The following SGMS1 variants were observed in gnomAD, a reference collection of about 807,000 sequenced individuals.
The protein encoded by SGMS1 is sphingomyelin synthase 1.
In SGMS1, 13 loss-of-function variants were observed where a neutral mutation model predicts 46.2. The ratio of observed to expected loss-of-function variants is 0.28; its 90% CI spans 0.18 to 0.45. The LOEUF (loss-of-function observed/expected upper bound fraction) is 0.45. Ranked by LOEUF, SGMS1 falls within the 20% of genes least tolerant of loss-of-function variation. The pLI, the probability that SGMS1 is intolerant of heterozygous loss-of-function variation, is 1.00. For synonymous variants in SGMS1, 203 were observed against 187.8 expected (o/e 1.08, Z -0.66); for missense variants, 324 against 519.9 (o/e 0.62, Z 3.66).
At chr10:50,537,545 G>C (rs1431104905) in intron 2 of SGMS1, among the ~76,000 whole-genome samples, 1 of 151,760 alleles carries the variant, frequency 6.6e-6, no homozygotes, top group Admixed American at 6.6e-5. Context: ...CCATGTTGGT[G>C]TGCTGCACCC....
intron 6 of SGMS1, among the ~76,000 whole-genome samples, chr10:50,389,081 T>C (rs533955397): frequency 8.2e-4 from 125 of 152,320 alleles, no homozygotes; most frequent in African/African-American, 2.9e-3. Context: ...ATATGTAGCC[T>C]ATAACATCAT....
At chr10:50,589,541 C>CCTCCA (rs1838519934) in intron 2 of SGMS1, among the ~76,000 whole-genome samples, 2 of 152,202 alleles carry the variant, frequency 1.3e-5, no homozygotes, top group Non-Finnish European at 2.9e-5. Flanking sequence ...TCCATCACGG[C>CCTCCA]TCACTACAGC....
intron 1 of SGMS1, among the ~76,000 whole-genome samples, chr10:50,618,164 A>T (rs1359587518): frequency 6.6e-6 from 1 of 152,240 alleles, no homozygotes; most frequent in Non-Finnish European, 1.5e-5. Flanking sequence ...CACAGAATGG[A>T]AAGGAAAAAA....
At chr10:50,517,119 ACAAAATCT>A (rs1432561081) in intron 3 of SGMS1, among the ~76,000 whole-genome samples, 2 of 152,196 alleles carry the variant, frequency 1.3e-5, no homozygotes, top group Non-Finnish European at 2.9e-5. Context: ...CCTAGCACAA[ACAAAATCT>A]CAAGAAGTAA....
chr10:50,324,222 C>G (rs1457853704), intron 8 of SGMS1, among the ~76,000 whole-genome samples: 1 of 152,192 alleles, frequency 6.6e-6, no homozygotes, highest in East Asian at 1.9e-4. Flanking sequence ...AACTGAGGCT[C>G]TGAAAAGTTA....
At chr10:50,574,129 T>C (rs531198720) in intron 2 of SGMS1, among the ~76,000 whole-genome samples, 87 of 151,874 alleles carry the variant, frequency 5.7e-4, no homozygotes, top group African/African-American at 2.1e-3. Context: ...ATTCCTTGGA[T>C]ATAACACCAA....
At chr10:50,348,505 A>G (rs1023395185) in intron 6 of SGMS1, among the ~76,000 whole-genome samples, 9 of 152,162 alleles carry the variant, frequency 5.9e-5, no homozygotes, top group African/African-American at 2.2e-4. Context: ...AATTACTAGC[A>G]TTCCTATACA....
chr10:50,602,366 T>C (rs541481059), intron 1 of SGMS1, among the ~76,000 whole-genome samples: 32 of 152,364 alleles, frequency 2.1e-4, no homozygotes, highest in Non-Finnish European at 3.5e-4. Flanking sequence ...CCTTATGTCA[T>C]AGCATTTAAA....
intron 2 of SGMS1, among the ~76,000 whole-genome samples, chr10:50,526,608 C>T (rs1289158498): frequency 6.6e-6 from 1 of 152,088 alleles, no homozygotes; most frequent in Non-Finnish European, 1.5e-5. Context: ...TCTTATTTAC[C>T]CTGTGCCTAT....
intron 6 of SGMS1, among the ~76,000 whole-genome samples, chr10:50,393,146 A>C (rs997258884): frequency 6.6e-6 from 1 of 152,186 alleles, no homozygotes. Context: ...ACCAACATTT[A>C]CTGGGGCCAC....
Position 50,308,057 on chromosome 10 carries a change from G to A in SGMS1, c.987C>T (p.Tyr329=), listed in dbSNP as rs376845561. The change falls in exon 10 of 11, where the codon TAC becomes TAT. Residue 329 remains tyrosine, a synonymous_variant. Coordinates refer to ENST00000361781, the MANE Select transcript of SGMS1 (RefSeq NM_147156.4). ...AATATGCCACCACCACGTCCACAGT[G>A]TAGTGGTCATGCGCTAAGAGAATAC... is the stretch of plus-strand genomic sequence containing the variant. The part of the protein sequence containing the change: ...IFCILLAHDH[Y]TVDVVVAYYI... The A allele has an allele frequency of 1.5e-5, 24 of 1,613,908 alleles. No individual in the cohort carries two copies. The Middle Eastern group carries it at 6.6e-4, about 44-fold the overall frequency.
intron 1 of SGMS1, among the ~76,000 whole-genome samples, chr10:50,603,527 T>C (rs1157274753): frequency 6.6e-6 from 1 of 152,124 alleles, no homozygotes; most frequent in Non-Finnish European, 1.5e-5. Flanking sequence ...ATTCAGTAAA[T>C]TTAAAAAACA....
At chr10:50,605,551 T>C (rs1027268665) in intron 1 of SGMS1, among the ~76,000 whole-genome samples, 2 of 152,200 alleles carry the variant, frequency 1.3e-5, no homozygotes, top group African/African-American at 4.8e-5. Context: ...TCAAGGTTGC[T>C]GCCAAGTTTG....
In SGMS1 at chr10:50,424,273, A is replaced by G. The variant is rs560529913; in HGVS notation, c.-232+9203T>C. 7.2e-5 allele frequency among the ~76,000 whole-genome samples: 11 copies of G among 152,352 alleles called. 1 individual carries two copies. In the South Asian group the frequency reaches 2.3e-3, roughly 32 times the overall value. On this transcript the variant is annotated intron_variant, in intron 6 of 10. Coordinates refer to ENST00000361781, the MANE Select transcript of SGMS1 (RefSeq NM_147156.4). ...GCCAGATTTAACTTTCTATTTCTTA[A>G]AAGAAGGTACTTCTCTATGGCTGAA...
chr10:50,623,760 G>T lies in SGMS1; in HGVS notation c.-737C>A. 1.0e-6 allele frequency: 1 copy of T among 985,468 alleles called. No homozygotes were observed. Among genetic ancestry groups the T allele is most frequent in the Non-Finnish European group, 1.2e-6 (1 of 829,978 alleles). The allele number at this position is 985,468 out of a possible 1,614,324, so 61.0% of individuals were successfully genotyped here. The stretch of plus-strand genomic sequence containing the variant: ...ATTCCGCTCGCGGAGCCCCCGCCGC[G>T]GAATGAAATCCGGGGCAGGGCAGCG... On this transcript the variant is annotated 5_prime_UTR_variant, in exon 1 of 11. Transcript: ENST00000361781.
At chr10:50,415,160 T>C (rs1480290617) in intron 6 of SGMS1, among the ~76,000 whole-genome samples, 1 of 152,220 alleles carries the variant, frequency 6.6e-6, no homozygotes, top group Non-Finnish European at 1.5e-5. Context: ...AAGCAGACAT[T>C]GCATATCTAT....
chr10:50,317,205 C>CTA (rs1847354278), intron 8 of SGMS1, among the ~76,000 whole-genome samples: 1 of 152,180 alleles, frequency 6.6e-6, no homozygotes, highest in East Asian at 1.9e-4. Context: ...GTGATGAATG[C>CTA]TTTAGATTTC....
chr10:50,411,646 G>A (rs1262821184), intron 6 of SGMS1, among the ~76,000 whole-genome samples: 1 of 152,144 alleles, frequency 6.6e-6, no homozygotes, highest in Non-Finnish European at 1.5e-5. Context: ...TGTGGTCACT[G>A]GTTCCACCTG....
chr10:50,596,318 AG>A (rs1838592406), intron 1 of SGMS1, among the ~76,000 whole-genome samples: 2 of 152,170 alleles, frequency 1.3e-5, no homozygotes, highest in African/African-American at 4.8e-5. Flanking sequence ...CTGGGATTAC[AG>A]GCATTCACCA....
Sources: gnomAD v4.1 joint callset for allele counts (sites outside exome capture counted in the v4.1 genomes callset) on GRCh38, gnomAD v4.1.1 for gene constraint, MANE v1.5 for transcripts, NCBI Gene and HGNC (gene_info 2026-07-23, HGNC 2026-07-21) for gene names.